Variants in MLXIPL observed in about 807,000 individuals in gnomAD.
The protein encoded by MLXIPL is carbohydrate-responsive element-binding protein.
Under a neutral mutation model 81.5 loss-of-function variants are expected in MLXIPL, and 49 were observed. The observed-to-expected ratio is 0.60, with a 90% CI of 0.48 to 0.76. MLXIPL has a LOEUF of 0.76. Among genes scored for constraint, MLXIPL ranks in the 30% least tolerant of loss-of-function variants. MLXIPL has a pLI of 0.00. For missense variants in MLXIPL, 1,053 were observed against 1,167.0 expected (o/e 0.90, Z 1.42); for synonymous variants, 466 against 485.5 (o/e 0.96, Z 0.53).
chr7:73,640,755 C>G, the MLXIPL span, among the ~76,000 whole-genome samples: 1 of 129,012 alleles, frequency 7.8e-6, no homozygotes. Context: ...CCAGCCTGGG[C>G]GACAGAGCGA....
At chr7:73,600,532 G>C (rs1255289346) in intron 7 of MLXIPL, among the ~76,000 whole-genome samples, 2 of 51,908 alleles carry the variant, frequency 3.9e-5, no homozygotes, top group East Asian at 1.3e-3. Flanking sequence ...AAGTGGGGGG[G>C]GGGTGAAGGG....
Position 73,593,908 on chromosome 7 carries a change from G to C in MLXIPL, c.2516C>G (p.Ala839Gly). The change falls in exon 17 of 17, where the codon GCC becomes GGC. Residue 839 changes from alanine to glycine, a missense_variant. Ala to Gly is a moderately conservative substitution (Grantham distance 60). This residue lies in a region of MLXIPL where 823 missense variants were observed against 933.0 expected (regional missense o/e 0.88). Coordinates refer to ENST00000313375, the MANE Select transcript of MLXIPL (RefSeq NM_032951.3). The stretch of plus-strand genomic sequence containing the variant: ...GGTGCCCTCTGTGACTGCCCGTGTG[G>C]CTTGCTCAGGGATGCGGCCCGGGTC... Reference protein sequence around the residue: ...LTDPGRIPEQATRAVTEGTLG... With the variant: ...LTDPGRIPEQGTRAVTEGTLG... The C allele has an allele frequency of 6.2e-7, 1 of 1,614,156 alleles. No homozygotes were observed. Among genetic ancestry groups the C allele is most frequent in the Non-Finnish European group, 8.5e-7 (1 of 1,180,014 alleles).
chr7:73,624,549 T>A, upstream of MLXIPL: 2 of 1,475,836 alleles, frequency 1.4e-6, no homozygotes, highest in Non-Finnish European at 1.8e-6. Flanking sequence ...GGAACAGCTC[T>A]TGGCCAGCCG....
At position 73,595,882 on chromosome 7, in the gene MLXIPL, G is replaced by C. The variant is rs1433081172; in HGVS notation, c.2146C>G (p.Gln716Glu). ...ERAGLQEEAQQLRDEIEELNA... is the reference protein window; with the variant it reads ...ERAGLQEEAQELRDEIEELNA... ...AGCTCCTCAATCTCATCCCGCAGCTGCTGGGCCTCCTCCTGCAAGCCCGCA... is the reference window on the plus strand; with the variant it reads ...AGCTCCTCAATCTCATCCCGCAGCTCCTGGGCCTCCTCCTGCAAGCCCGCA... The change falls in exon 14 of 17, where the codon CAG (glutamine) becomes GAG (glutamate). Residue 716 changes from glutamine to glutamate, a missense_variant. By Grantham distance (29) the Gln-to-Glu change is conservative. Around this residue, in one of 3 missense-constraint regions of MLXIPL, gnomAD observed 823 missense variants for 933.0 expected, o/e 0.88. Coordinates refer to ENST00000313375, the MANE Select transcript of MLXIPL (RefSeq NM_032951.3). 2.5e-6 allele frequency: 4 copies of C among 1,612,306 alleles called. No homozygotes were observed. Among genetic ancestry groups the C allele is most frequent in the Non-Finnish European group, 3.4e-6 (4 of 1,179,492 alleles).
chr7:73,609,212 T>G (rs1795524079), intron 2 of MLXIPL: 2 of 151,740 alleles, frequency 1.3e-5, no homozygotes, highest in Non-Finnish European at 2.9e-5. Flanking sequence ...GAGGCTTTTC[T>G]TTATCTCCTA....
chr7:73,613,739 C>T (rs4314542), intron 2 of MLXIPL, among the ~76,000 whole-genome samples: 40 of 152,366 alleles, frequency 2.6e-4, no homozygotes, highest in Admixed American at 6.5e-4. Flanking sequence ...CTCACTCTGT[C>T]TGATTCCGAA....
At chr7:73,604,733 G>A (rs782303264) in intron 7 of MLXIPL, among the ~76,000 whole-genome samples, 10 of 152,126 alleles carry the variant, frequency 6.6e-5, no homozygotes, top group African/African-American at 9.7e-5. Flanking sequence ...GTGTGTGCAT[G>A]TTTGAAATGT....
At chr7:73,626,366 G>A (rs781832722), upstream of MLXIPL, among the ~76,000 whole-genome samples, 2 of 152,128 alleles carry the variant, frequency 1.3e-5, no homozygotes, top group Non-Finnish European at 2.9e-5. Context: ...GCAGAGGCAC[G>A]GTCATAGCTC....
chr7:73,615,977 G>A (rs1795984948), intron 2 of MLXIPL, 94 bp downstream of exon 2: 5 of 1,006,870 alleles, frequency 5.0e-6, no homozygotes, highest in Non-Finnish European at 7.9e-6. Context: ...GGACCCCGGG[G>A]ATTTTCCTGG....
chr7:73,646,614 C>A, the MLXIPL span, among the ~76,000 whole-genome samples: 1 of 152,126 alleles, frequency 6.6e-6, no homozygotes, highest in East Asian at 1.9e-4. Flanking sequence ...GATGGGTCAT[C>A]TTCTCAAGAT....
chr7:73,606,982 G>T lies in MLXIPL; in HGVS notation c.610C>A (p.Pro204Thr). 1 of 1,613,794 alleles carries T rather than the reference G, an allele frequency of 6.2e-7. No individual in the cohort carries two copies. Among genetic ancestry groups the T allele is most frequent in the Non-Finnish European group, 8.5e-7 (1 of 1,179,904 alleles). ...ACTTACAGAGCACCCACCTGCTTAG[G>T]GGCCAGGAGGTCATCTTCCCTGCTG... ...KPSREDDLLA[P>T]KQAEGRWPPP... Residue 204 changes from proline to threonine, a missense_variant, in exon 5 of 17, where the codon CCT becomes ACT. By Grantham distance (38) the Pro-to-Thr change is conservative. This residue lies in a region of MLXIPL where 823 missense variants were observed against 933.0 expected (regional missense o/e 0.88). Transcript: ENST00000313375.
At chr7:73,642,620 T>G in the MLXIPL span, among the ~76,000 whole-genome samples, 1 of 152,204 alleles carries the variant, frequency 6.6e-6, no homozygotes, top group Non-Finnish European at 1.5e-5. Context: ...CTTCCCAAAT[T>G]TCTGGGATTA....
upstream of MLXIPL, among the ~76,000 whole-genome samples, chr7:73,627,556 G>A (rs6460045): frequency 0.1 from 15,758 of 152,038 alleles, 1,183 homozygotes; most frequent in African/African-American, 0.21. Context: ...GCTCTCAGGT[G>A]GCAGTTAACC....
the MLXIPL span, among the ~76,000 whole-genome samples, chr7:73,629,974 T>TATTTTTTATTTATTTA: frequency 1.3e-4 from 19 of 143,534 alleles, no homozygotes; most frequent in African/African-American, 1.8e-4. Flanking sequence ...TTTTTATTAT[T>TATTTTTTATTTATTTA]TTTATTTATT....
In MLXIPL at chr7:73,607,021, G is replaced by T. The variant is rs1795335048; in HGVS notation, c.574-3C>A. On this transcript the variant is annotated splice_polypyrimidine_tract_variant and splice_region_variant and intron_variant, in intron 4 of 16. Coordinates refer to ENST00000313375, the MANE Select transcript of MLXIPL (RefSeq NM_032951.3). ...TCTTCCCTGCTGGGCTTACGGAGCTGCAGGGACACACAGAGTTGGACACCG... is the reference window on the plus strand; with the variant it reads ...TCTTCCCTGCTGGGCTTACGGAGCTTCAGGGACACACAGAGTTGGACACCG... The T allele has an allele frequency of 9.9e-6, 16 of 1,613,486 alleles. No homozygotes were observed. The highest frequency in any genetic ancestry group is 1.3e-5 in the Non-Finnish European group (15 of 1,179,804).
Position 73,595,828 on chromosome 7 carries a change from T to C in MLXIPL, c.2186+14A>G. On this transcript the variant is annotated intron_variant, in intron 14 of 16. Transcript: ENST00000313375. ...TGGCCCCCTGGTCCCAGCACCCGCC[T>C]GGACCCTGCCTACTTAATGGCGGCA... is the stretch of plus-strand genomic sequence containing the variant. The C allele has an allele frequency of 6.3e-7, 1 of 1,596,810 alleles. No homozygotes were observed. The highest frequency in any genetic ancestry group is 8.5e-7 in the Non-Finnish European group (1 of 1,171,782).
At chr7:73,633,397 T>C in the MLXIPL span, among the ~76,000 whole-genome samples, 3 of 149,596 alleles carry the variant, frequency 2.0e-5, no homozygotes, top group South Asian at 2.1e-4. Flanking sequence ...CAGGCTGGGG[T>C]ACAGTGGCCA....
Position 73,623,047 on chromosome 7 carries a change from TGGCCGATCG to T in MLXIPL, c.293+1144_293+1152del, listed in dbSNP as rs1796481169. Among the ~76,000 whole-genome samples, 1 of 152,102 alleles carries T rather than the reference TGGCCGATCG, an allele frequency of 6.6e-6. No individual in the cohort carries two copies. Among genetic ancestry groups the T allele is most frequent in the Admixed American group, 6.6e-5 (1 of 15,256 alleles). On this transcript the variant is annotated intron_variant, in intron 1 of 16. Coordinates refer to ENST00000313375, the MANE Select transcript of MLXIPL (RefSeq NM_032951.3). The surrounding 1 kb of genome is among the most constrained non-coding windows in gnomAD (Gnocchi z 5.7). ...AACTTTCCACACGGGTCCGACGCCC[TGGCCGATCG>T]GGTTGCAACATGACCTGGGCCAGGG...
chr7:73,607,158 G>C, intron 4 of MLXIPL, 140 bp from the exon 5 acceptor site: 1 of 1,277,702 alleles, frequency 7.8e-7, no homozygotes, highest in Non-Finnish European at 1.1e-6. Context: ...TAAGGAGGCC[G>C]CTAGGAGACG....
Sources: gnomAD v4.1 joint callset for allele counts (sites outside exome capture counted in the v4.1 genomes callset) on GRCh38, gnomAD v4.1.1 for gene constraint, gnomAD v4.1.1 regional missense constraint, Gnocchi (gnomAD v3.1) non-coding constraint, MANE v1.5 for transcripts, NCBI Gene and HGNC (gene_info 2026-07-23, HGNC 2026-07-21) for gene names.